Variants in SVOP observed in about 807,000 individuals in gnomAD.
SVOP encodes the protein synaptic vesicle 2-related protein.
Under a neutral mutation model 69.1 loss-of-function variants are expected in SVOP, and 17 were observed. The ratio of observed to expected loss-of-function variants is 0.25; its 90% CI spans 0.17 to 0.37. The LOEUF (loss-of-function observed/expected upper bound fraction) is 0.37. Among genes scored for constraint, SVOP ranks in the 10% least tolerant of loss-of-function variants. SVOP has a pLI of 1.00. For missense variants in SVOP, 435 were observed against 597.5 expected (o/e 0.73, Z 2.84); for synonymous variants, 238 against 238.6 (o/e 1.00, Z 0.02).
intron 6 of SVOP, among the ~76,000 whole-genome samples, chr12:108,949,148 A>G (rs2039940368): frequency 6.6e-6 from 1 of 152,180 alleles, no homozygotes; most frequent in African/African-American, 2.4e-5. Flanking sequence ...ATCTCATTGT[A>G]AAATAATTTA....
At chr12:108,930,961 A>G (rs1199769476) in intron 11 of SVOP, among the ~76,000 whole-genome samples, 1 of 152,200 alleles carries the variant, frequency 6.6e-6, no homozygotes, top group Non-Finnish European at 1.5e-5. Flanking sequence ...TGCAAATCCT[A>G]AAATATTTAC....
intron 12 of SVOP, 133 bp downstream of exon 12, chr12:108,922,557 G>A: frequency 3.0e-6 from 2 of 669,622 alleles, no homozygotes; most frequent in Non-Finnish European, 5.3e-6. Flanking sequence ...TATAGTTAAG[G>A]ATTGAAAAAC....
rs115534305 is a variant in SVOP, at chr12:109,011,197, G to A, written c.35+9637C>T. On this transcript the variant is annotated intron_variant, in intron 1 of 15. Transcript: ENST00000610966. ...CCACCAAAGTGCTGGGATTATAGAC[G>A]AGGGCCACTGCACTATCTTATATAA... 4.0e-3 allele frequency among the ~76,000 whole-genome samples: 608 copies of A among 152,154 alleles called. 1 individual carries two copies. Among genetic ancestry groups the A allele is most frequent in the African/African-American group, 0.014 (583 of 41,518 alleles).
At chr12:108,937,040 C>A in intron 10 of SVOP, 1 of 527,726 alleles carries the variant, frequency 1.9e-6, no homozygotes, top group South Asian at 2.0e-5. Flanking sequence ...CCAGCCTGCA[C>A]GGTGATTAAA....
intron 4 of SVOP, among the ~76,000 whole-genome samples, chr12:108,976,514 G>A (rs577631044): frequency 3.4e-4 from 52 of 152,140 alleles, no homozygotes; most frequent in Admixed American, 8.5e-4. Flanking sequence ...TGCAATGTAG[G>A]TAAAGGCCTT....
Position 108,990,964 on chromosome 12 carries a change from G to A in SVOP, c.36-7203C>T, listed in dbSNP as rs139004211. Among the ~76,000 whole-genome samples the A allele has an allele frequency of 3.1e-3, 470 of 152,286 alleles. 1 individual carries two copies. Among genetic ancestry groups the A allele is most frequent in the Non-Finnish European group, 4.6e-3 (313 of 68,028 alleles). On this transcript the variant is annotated intron_variant, in intron 1 of 15. Transcript: ENST00000610966. ...TGCTGATCTGGGGACTGCTCTTCTC[G>A]TTCATCAGAGGCAGGCAAGCGATTC... is the stretch of plus-strand genomic sequence containing the variant.
At chr12:108,933,236 C>T (rs1186694675) in intron 11 of SVOP, among the ~76,000 whole-genome samples, 2 of 152,110 alleles carry the variant, frequency 1.3e-5, no homozygotes, top group African/African-American at 4.8e-5. Flanking sequence ...AACTAACATG[C>T]TATTTCTTTT....
chr12:108,931,965 T>C (rs928480080), intron 11 of SVOP, among the ~76,000 whole-genome samples: 4 of 152,184 alleles, frequency 2.6e-5, no homozygotes, highest in Admixed American at 6.5e-5. Context: ...CTGAGTACTA[T>C]ACTTCGTGAG....
At chr12:108,964,882 G>A (rs1455743001) in intron 5 of SVOP, among the ~76,000 whole-genome samples, 2 of 152,010 alleles carry the variant, frequency 1.3e-5, no homozygotes, top group Non-Finnish European at 2.9e-5. Flanking sequence ...TAGATGCATA[G>A]ACATTATGCA....
intron 2 of SVOP, among the ~76,000 whole-genome samples, chr12:108,978,883 G>C (rs2040120798): frequency 6.6e-6 from 1 of 152,130 alleles, no homozygotes; most frequent in African/African-American, 2.4e-5. Context: ...TCCATCAACA[G>C]GAGTTGGCTA....
chr12:108,985,118 T>G (rs956542434), intron 1 of SVOP, among the ~76,000 whole-genome samples: 1 of 151,984 alleles, frequency 6.6e-6, no homozygotes, highest in Admixed American at 6.6e-5. Flanking sequence ...TCCCAGCTAC[T>G]TGGGAGGCTG....
intron 10 of SVOP, among the ~76,000 whole-genome samples, chr12:108,935,128 C>T (rs7295522): frequency 0.025 from 3,748 of 152,304 alleles, 89 homozygotes; most frequent in Non-Finnish European, 0.035. Context: ...TGGGACCAAC[C>T]TCTGGAAGAA....
At chr12:108,948,062 C>T (rs1243710246) in intron 6 of SVOP, among the ~76,000 whole-genome samples, 1 of 152,126 alleles carries the variant, frequency 6.6e-6, no homozygotes, top group South Asian at 2.1e-4. Flanking sequence ...CCCATCTCCC[C>T]AGGGCAGGCT....
At chr12:108,940,674 AT>A (rs1170768785) in intron 8 of SVOP, 109 bp downstream of exon 8, 30 of 1,437,572 alleles carry the variant, frequency 2.1e-5, no homozygotes, top group South Asian at 9.8e-5. Context: ...TTTAAAAAAA[AT>A]AATCTTGAAA....
intron 11 of SVOP, among the ~76,000 whole-genome samples, chr12:108,926,734 T>C (rs980326962): frequency 6.6e-6 from 1 of 152,268 alleles, no homozygotes; most frequent in African/African-American, 2.4e-5. Context: ...TGACCAGTTT[T>C]GCCTCTAATT....
At chr12:108,970,049 T>C (rs554403470) in intron 5 of SVOP, among the ~76,000 whole-genome samples, 5 of 152,330 alleles carry the variant, frequency 3.3e-5, no homozygotes, top group Admixed American at 1.3e-4. Flanking sequence ...TTGGCAATTA[T>C]ATTGATCACC....
At chr12:108,914,599 C>T (rs1163101039) in intron 15 of SVOP, among the ~76,000 whole-genome samples, 2 of 151,956 alleles carry the variant, frequency 1.3e-5, no homozygotes, top group Non-Finnish European at 2.9e-5. Flanking sequence ...GACAAGGTCT[C>T]ACTCTATCGC....
chr12:108,993,191 A>G (rs937235276), intron 1 of SVOP, among the ~76,000 whole-genome samples: 5 of 152,112 alleles, frequency 3.3e-5, no homozygotes, highest in Non-Finnish European at 2.9e-5. Flanking sequence ...CACTTTTAGT[A>G]GAGACAGGGT....
At chr12:108,969,983 C>T (rs1276040894) in intron 5 of SVOP, among the ~76,000 whole-genome samples, 2 of 152,318 alleles carry the variant, frequency 1.3e-5, no homozygotes, top group East Asian at 1.9e-4. Context: ...GCCAAGACCC[C>T]GAGGCCCATC....
Sources: allele counts gnomAD v4.1 joint callset (sites outside exome capture counted in the v4.1 genomes callset), GRCh38; gene constraint gnomAD v4.1.1; transcripts MANE v1.5; gene names NCBI Gene and HGNC (gene_info 2026-07-23, HGNC 2026-07-21).